The following ARSG variants were observed in gnomAD, a reference collection of about 807,000 sequenced individuals.
ARSG encodes the protein ASG.
In ARSG, 37 loss-of-function variants were observed where a neutral mutation model predicts 50.5. The ratio of observed to expected loss-of-function variants is 0.73; its 90% CI spans 0.56 to 0.96. The LOEUF (loss-of-function observed/expected upper bound fraction) is 0.96, where lower values mean the gene tolerates loss of function less well. Among genes scored for constraint, ARSG ranks in the 50% least tolerant of loss-of-function variants. ARSG has a pLI of 0.00. For synonymous variants in ARSG, 225 were observed against 254.6 expected (o/e 0.88, Z 1.11); for missense variants, 629 against 675.3 (o/e 0.93, Z 0.76).
In ARSG at chr17:68,405,114, G is replaced by C. The variant is rs576831170; in HGVS notation, c.1303+3664G>C. 2.8e-4 allele frequency among the ~76,000 whole-genome samples: 40 copies of C among 142,166 alleles called. 1 individual carries two copies. The South Asian group carries it at 8.8e-3, about 31-fold the overall frequency. The allele number at this position is 142,166 out of a possible 152,430, so 93.3% of individuals were successfully genotyped here. A position where few individuals can be genotyped will look rare whatever the true frequency, so the allele number is the denominator to read the frequency against. ...TGCAGTTTTGAAATCAGGAGTGTGA[G>C]TCCTACAGCTTTGGGCTTTTTTTTT... On this transcript the variant is annotated intron_variant, in intron 11 of 11. Transcript: ENST00000621439.
downstream of ARSG, chr17:68,422,722 C>CT (rs2082883185): frequency 9.9e-6 from 1 of 101,314 alleles, no homozygotes; most frequent in Non-Finnish European, 1.8e-5. Context: ...GAGTGAGACT[C>CT]TATCATCTCA....
intron 2 of ARSG, among the ~76,000 whole-genome samples, chr17:68,314,902 C>T (rs527996383): frequency 1.3e-4 from 20 of 152,248 alleles, no homozygotes; most frequent in African/African-American, 4.8e-4. Flanking sequence ...AGGTGGAGTT[C>T]CAGTGACAAA....
intron 2 of ARSG, among the ~76,000 whole-genome samples, chr17:68,330,978 CGG>C (rs34615975): frequency 0.044 from 2,907 of 65,806 alleles, 146 homozygotes; most frequent in African/African-American, 0.13. Context: ...TTTTTTTTTG[CGG>C]GGGGGGGGGG....
intron 11 of ARSG, chr17:68,413,583 C>G (rs534276628): frequency 6.6e-6 from 1 of 152,006 alleles, no homozygotes; most frequent in East Asian, 1.9e-4. Context: ...CTGTGCCCTG[C>G]CCCCAGAGGT....
At chr17:68,379,180 C>T (rs545605478) in intron 8 of ARSG, among the ~76,000 whole-genome samples, 6 of 152,132 alleles carry the variant, frequency 3.9e-5, no homozygotes, top group South Asian at 4.1e-4. Flanking sequence ...TTCTAGAAAA[C>T]GAGTACACTG....
At chr17:68,394,550 C>A (rs1432537614) in intron 9 of ARSG, among the ~76,000 whole-genome samples, 2 of 152,116 alleles carry the variant, frequency 1.3e-5, no homozygotes, top group African/African-American at 4.8e-5. Flanking sequence ...ACGAGTATTA[C>A]TTCAGCCCAG....
chr17:68,344,588 A>C (rs1353601632), intron 3 of ARSG, among the ~76,000 whole-genome samples: 1 of 152,254 alleles, frequency 6.6e-6, no homozygotes, highest in Non-Finnish European at 1.5e-5. Context: ...GAAGCTGCCT[A>C]ACCTGGAGGG....
At chr17:68,358,416 C>T (rs112188029) in intron 6 of ARSG, among the ~76,000 whole-genome samples, 13 of 149,650 alleles carry the variant, frequency 8.7e-5, no homozygotes, top group African/African-American at 2.2e-4. Context: ...TGGCTGGGCG[C>T]GGTGGCTCAC....
At chr17:68,291,173 AT>A (rs1304095936), upstream of ARSG, 1 of 151,884 alleles carries the variant, frequency 6.6e-6, no homozygotes, top group Non-Finnish European at 1.5e-5. Flanking sequence ...GCTCGGTAAC[AT>A]GAGAAAAGGA....
chr17:68,316,101 TTC>T (rs2077060287), intron 2 of ARSG, among the ~76,000 whole-genome samples: 1 of 152,216 alleles, frequency 6.6e-6, no homozygotes, highest in Admixed American at 6.5e-5. Flanking sequence ...TTGCACATGT[TTC>T]TGTTCCTTGA....
chr17:68,330,982 G>T (rs1013289864), intron 2 of ARSG, among the ~76,000 whole-genome samples: 18 of 132,332 alleles, frequency 1.4e-4, no homozygotes, highest in South Asian at 5.4e-4. Flanking sequence ...TTTTTGCGGG[G>T]GGGGGGGGAG....
chr17:68,351,519 G>A, intron 4 of ARSG, 56 bp from the exon 5 acceptor site: 1 of 921,762 alleles, frequency 1.1e-6, no homozygotes, highest in Non-Finnish European at 1.8e-6. Context: ...GTGTACAAAG[G>A]CAAGCACATG....
chr17:68,450,841 C>T, the ARSG span: 1 of 1,614,062 alleles, frequency 6.2e-7, no homozygotes, highest in African/African-American at 1.3e-5. Context: ...TGACTGACTA[C>T]CACCACCAGG....
intron 2 of ARSG, among the ~76,000 whole-genome samples, chr17:68,321,616 G>A (rs1346309351): frequency 3.3e-5 from 5 of 152,202 alleles, no homozygotes; most frequent in East Asian, 1.9e-4. Context: ...GGCTGGACAC[G>A]CTTAACTTTG....
intron 4 of ARSG, among the ~76,000 whole-genome samples, chr17:68,348,345 G>A (rs1222823801): frequency 8.5e-5 from 13 of 152,164 alleles, no homozygotes; most frequent in Non-Finnish European, 1.9e-4. Context: ...CTGTGGTGAG[G>A]GGATACTGAG....
intron 8 of ARSG, among the ~76,000 whole-genome samples, chr17:68,383,221 T>C (rs151096768): frequency 6.6e-6 from 1 of 152,150 alleles, no homozygotes; most frequent in Non-Finnish European, 1.5e-5. Flanking sequence ...GGATCCCTAA[T>C]TGGTGAAGAC....
At chr17:68,414,999 T>C (rs2082280376) in intron 11 of ARSG, among the ~76,000 whole-genome samples, 1 of 152,222 alleles carries the variant, frequency 6.6e-6, no homozygotes, top group South Asian at 2.1e-4. Flanking sequence ...GTTTCATTTA[T>C]CTTTTTTATT....
intron 1 of ARSG, among the ~76,000 whole-genome samples, chr17:68,300,555 T>TA (rs1212471291): frequency 6.6e-6 from 1 of 152,162 alleles, no homozygotes; most frequent in Non-Finnish European, 1.5e-5. Flanking sequence ...AAGTGGAGGA[T>TA]AGACTTTTAG....
intron 2 of ARSG, among the ~76,000 whole-genome samples, chr17:68,317,541 G>A (rs1161022912): frequency 1.3e-5 from 2 of 151,388 alleles, no homozygotes; most frequent in South Asian, 2.1e-4. Flanking sequence ...GGGCGTTGTC[G>A]TTTAGGGCCC....
Sources: allele counts gnomAD v4.1 joint callset (sites outside exome capture counted in the v4.1 genomes callset), GRCh38; gene constraint gnomAD v4.1.1; transcripts MANE v1.5; gene names NCBI Gene and HGNC (gene_info 2026-07-23, HGNC 2026-07-21).